ANKS3: variants seen among roughly 807,000 people sequenced by gnomAD.
ANKS3 encodes ankyrin repeat and sterile alpha motif domain containing 3.
In ANKS3, 62 loss-of-function variants were observed where a neutral mutation model predicts 80.7. The ratio of observed to expected loss-of-function variants is 0.77; its 90% CI spans 0.63 to 0.95. The LOEUF is 0.95. Ranked by LOEUF, ANKS3 falls within the 40% of genes least tolerant of loss-of-function variation. ANKS3 has a pLI of 0.00. For missense variants in ANKS3, 1,150 were observed against 883.6 expected (o/e 1.30, Z -3.82); for synonymous variants, 489 against 355.3 (o/e 1.38, Z -4.23).
At chr16:4,725,683 G>C (rs1229828918) in intron 5 of ANKS3, among the ~76,000 whole-genome samples, 1 of 152,182 alleles carries the variant, frequency 6.6e-6, no homozygotes, top group African/African-American at 2.4e-5. Flanking sequence ...TTGAGACAGA[G>C]TTTTGCTCTT....
At chr16:4,701,274 G>A in intron 10 of ANKS3, 140 bp from the exon 11 acceptor site, 1 of 1,428,632 alleles carries the variant, frequency 7.0e-7, no homozygotes, top group Non-Finnish European at 9.5e-7. Context: ...TGCGTTCGCT[G>A]TCGTCTGAGA....
intron 6 of ANKS3, among the ~76,000 whole-genome samples, chr16:4,720,367 C>T (rs2142119369): frequency 6.6e-6 from 1 of 150,458 alleles, no homozygotes; most frequent in African/African-American, 2.4e-5. Context: ...GAGGCTGAGG[C>T]AGGAAAATCG....
intron 7 of ANKS3, among the ~76,000 whole-genome samples, chr16:4,713,143 C>T (rs1253642424): frequency 3.3e-5 from 5 of 151,950 alleles, no homozygotes; most frequent in African/African-American, 9.7e-5. Context: ...TGGTGGTGCA[C>T]GCCTGTAATC....
At chr16:4,733,415 C>G (rs2081768927) in intron 1 of ANKS3, among the ~76,000 whole-genome samples, 2 of 151,870 alleles carry the variant, frequency 1.3e-5, no homozygotes, top group African/African-American at 4.8e-5. Context: ...CCTCAGCTTC[C>G]CGAGTAGCTG....
Position 4,726,740 on chromosome 16 carries a change from G to A in ANKS3, c.410C>T (p.Thr137Ile), listed in dbSNP as rs747091710. 1 of 1,614,176 alleles carries A rather than the reference G, an allele frequency of 6.2e-7. No individual in the cohort carries two copies. The highest frequency in any genetic ancestry group is 8.5e-7 in the Non-Finnish European group (1 of 1,179,986). The part of the protein sequence containing the change: ...ELEMKDIQGW[T>I]ALFHCTSAGH... ...GGCGCTGGTACAGTGGAAGAGGGCT[G>A]TCCAGCCCTGGATGTCTTTCATTTC... The change falls in exon 5 of 18, where the codon ACA (threonine) becomes ATA (isoleucine). Residue 137 changes from threonine to isoleucine, a missense_variant. Thr to Ile is a moderately conservative substitution (Grantham distance 89). Transcript: ENST00000304283.
chr16:4,730,793 G>A (rs541435711), intron 2 of ANKS3, among the ~76,000 whole-genome samples: 5 of 151,912 alleles, frequency 3.3e-5, no homozygotes, highest in South Asian at 4.2e-4. Flanking sequence ...CGGAGGTTGC[G>A]GTGAGCCAAG....
At chr16:4,713,225 T>G (rs186280524) in intron 7 of ANKS3, among the ~76,000 whole-genome samples, 7 of 152,106 alleles carry the variant, frequency 4.6e-5, no homozygotes, top group Admixed American at 4.6e-4. Flanking sequence ...GCAAGATCGC[T>G]TCATTGCACT....
Position 4,726,610 on chromosome 16 carries a change from C to T in ANKS3, c.491+49G>A, listed in dbSNP as rs749066132. 1.9e-6 allele frequency: 3 copies of T among 1,587,688 alleles called. No individual in the cohort carries two copies. In the Admixed American group the frequency reaches 5.1e-5, roughly 27 times the overall value. ...CCTCCAGAGCCACCCTCCTTAGAGT[C>T]AGATGACACCTAGGCCACTCCTGTG... On this transcript the variant is annotated intron_variant, in intron 5 of 17. Coordinates refer to ENST00000304283, the MANE Select transcript of ANKS3 (RefSeq NM_133450.4).
At chr16:4,718,766 C>G (rs2080938632) in intron 6 of ANKS3, among the ~76,000 whole-genome samples, 1 of 152,230 alleles carries the variant, frequency 6.6e-6, no homozygotes, top group African/African-American at 2.4e-5. Context: ...AAAGCAGTCA[C>G]TAACCAACAC....
intron 6 of ANKS3, 145 bp from the exon 7 acceptor site, chr16:4,714,331 G>C: frequency 3.2e-6 from 4 of 1,251,626 alleles, no homozygotes; most frequent in Non-Finnish European, 4.4e-6. Flanking sequence ...ATGAGAAAGA[G>C]GCAGGCTTGT....
rs777805347 is a variant in ANKS3, at chr16:4,727,016, C to A, written c.332G>T (p.Ser111Ile). The change falls in exon 4 of 18, where the codon AGC becomes ATC. Residue 111 changes from serine (S) to isoleucine (I), a missense_variant. By Grantham distance (142) the Ser-to-Ile change is moderately radical. Coordinates refer to ENST00000304283, the MANE Select transcript of ANKS3 (RefSeq NM_133450.4). ...GTAGGCGATGCTCTCGTTGCCACAG[C>A]TGGAGGCCAGCATCAGTGGAGTCTG... ...EGQTPLMLAS[S>I]CGNESIAYFL... 4.0e-5 allele frequency: 65 copies of A among 1,614,082 alleles called. No individual in the cohort carries two copies. In the Admixed American group the frequency reaches 1.0e-3, roughly 25 times the overall value.
intron 6 of ANKS3, among the ~76,000 whole-genome samples, chr16:4,715,941 A>C (rs1345963416): frequency 6.6e-6 from 1 of 152,164 alleles, no homozygotes; most frequent in African/African-American, 2.4e-5. Context: ...AAGGAACTTA[A>C]AATAAGAGAT....
chr16:4,706,693 G>T (rs1428546621), intron 7 of ANKS3, among the ~76,000 whole-genome samples: 1 of 152,206 alleles, frequency 6.6e-6, no homozygotes, highest in African/African-American at 2.4e-5. Context: ...GCTCTGATCT[G>T]ATTCTACTTT....
At chr16:4,725,401 C>A (rs1454220721) in intron 5 of ANKS3, among the ~76,000 whole-genome samples, 6 of 152,190 alleles carry the variant, frequency 3.9e-5, no homozygotes, top group Non-Finnish European at 5.9e-5. Context: ...TGGTTTTCAT[C>A]CATCTTAAGA....
intron 7 of ANKS3, among the ~76,000 whole-genome samples, chr16:4,709,838 C>G (rs770664873): frequency 6.6e-6 from 1 of 152,070 alleles, no homozygotes; most frequent in Non-Finnish European, 1.5e-5. Flanking sequence ...TAGCAAGACC[C>G]CGTCTCTACA....
At chr16:4,702,034 G>A (rs1350279571) in intron 9 of ANKS3, 68 bp downstream of exon 9, 3 of 1,488,984 alleles carry the variant, frequency 2.0e-6, no homozygotes. Context: ...GGGGATAAGT[G>A]GGGATGGGCA....
chr16:4,717,435 GCA>G (rs374122502), intron 6 of ANKS3: 13 of 152,090 alleles, frequency 8.5e-5, no homozygotes, highest in African/African-American at 3.1e-4. Context: ...GGGAGTGGTG[GCA>G]CACACCTGTA....
intron 7 of ANKS3, among the ~76,000 whole-genome samples, chr16:4,706,437 A>G (rs13336501): frequency 0.23 from 34,666 of 151,904 alleles, 5,053 homozygotes; most frequent in African/African-American, 0.4. Context: ...GGGTTTCACC[A>G]TGTTGGCCAG....
At chr16:4,713,348 CA>C (rs1470627292) in intron 7 of ANKS3, among the ~76,000 whole-genome samples, 1 of 152,004 alleles carries the variant, frequency 6.6e-6, no homozygotes, top group Non-Finnish European at 1.5e-5. Flanking sequence ...ATAATGACAC[CA>C]CTAAAGGACT....
Sources: gnomAD v4.1 joint callset for allele counts (sites outside exome capture counted in the v4.1 genomes callset) on GRCh38, gnomAD v4.1.1 for gene constraint, MANE v1.5 for transcripts, NCBI Gene and HGNC (gene_info 2026-07-23, HGNC 2026-07-21) for gene names.